Variants in GSAP observed in about 807,000 individuals in gnomAD.
GSAP encodes gamma-secretase activating protein, also known as gamma-secretase-activating protein.
In GSAP, 118 loss-of-function variants were observed where a neutral mutation model predicts 131.7. The observed-to-expected ratio is 0.90, with a 90% CI of 0.77 to 1.04. The LOEUF (loss-of-function observed/expected upper bound fraction) is 1.04, where lower values mean the gene tolerates loss of function less well. Ranked by LOEUF, GSAP falls within the 50% of genes least tolerant of loss-of-function variation. The pLI is 0.00. For missense variants in GSAP, 1,019 were observed against 1,013.2 expected, an observed-to-expected ratio of 1.01 and a Z score of -0.08; for synonymous variants, 381 against 363.4, an observed-to-expected ratio of 1.05 and a Z score of -0.55.
intron 1 of GSAP, 38 bp downstream of exon 1, chr7:77,416,175 C>G: frequency 6.4e-6 from 7 of 1,101,410 alleles, no homozygotes; most frequent in Non-Finnish European, 8.6e-6. Flanking sequence ...GACTCCCACT[C>G]CCCGCCCCCA....
intron 9 of GSAP, 29 bp downstream of exon 9, chr7:77,377,257 A>AT (rs1354631534): frequency 7.0e-7 from 1 of 1,429,014 alleles, no homozygotes; most frequent in Non-Finnish European, 9.2e-7. Flanking sequence ...AAAAAAAAAA[A>AT]AGGAGTGCCC....
intron 19 of GSAP, among the ~76,000 whole-genome samples, chr7:77,337,105 TTG>T (rs1233643788): frequency 6.6e-6 from 1 of 152,210 alleles, no homozygotes; most frequent in Non-Finnish European, 1.5e-5. Flanking sequence ...GTCAAGTCTT[TTG>T]TGTTTCACTA....
At chr7:77,374,208 T>TC (rs1333691212) in intron 11 of GSAP, 53 bp from the exon 12 acceptor site, 2 of 883,438 alleles carry the variant, frequency 2.3e-6, no homozygotes, top group African/African-American at 3.4e-5. Context: ...ATACATCCCT[T>TC]CATAAAGGAT....
intron 14 of GSAP, 141 bp from the exon 15 acceptor site, chr7:77,355,788 T>TTTTTTTTTG (rs1793613873): frequency 2.5e-5 from 1 of 39,442 alleles, no homozygotes; most frequent in Admixed American, 7.3e-4. Flanking sequence ...TGACAGCCCG[T>TTTTTTTTTG]TTTTTTTTTT....
rs1031728899 is a variant in GSAP at position 77,310,971 on chromosome 7, T to C, written c.*387A>G. 2 of 162,184 alleles carry C rather than the reference T, an allele frequency of 1.2e-5. No individual in the cohort carries two copies. The highest frequency in any genetic ancestry group is 2.7e-5 in the Non-Finnish European group (2 of 73,924). The allele number at this position is 162,184 out of a possible 1,614,324, so 10.0% of individuals were successfully genotyped here. ...TAGTGTTCTTATGTAACATTTAATTTTTATGCCTATTATTTCAATGACACA... is the reference window on the plus strand; with the variant it reads ...TAGTGTTCTTATGTAACATTTAATTCTTATGCCTATTATTTCAATGACACA... On this transcript the variant is annotated 3_prime_UTR_variant, in exon 31 of 31. Transcript: ENST00000257626.
At chr7:77,350,994 A>G (rs1792785090) in intron 18 of GSAP, 1 of 382,352 alleles carries the variant, frequency 2.6e-6, no homozygotes, top group Non-Finnish European at 3.6e-6. Flanking sequence ...AAAGTAGATA[A>G]GTATATAAGA....
chr7:77,320,788 C>T lies in GSAP; in HGVS notation c.2026G>A (p.Val676Ile). The T allele has an allele frequency of 1.2e-6, 2 of 1,612,274 alleles. No individual in the cohort carries two copies. Among genetic ancestry groups the T allele is most frequent in the Non-Finnish European group, 8.5e-7 (1 of 1,178,416 alleles). ...NSRGSAAEFA[V>I]FHIMTRILEA... ...AGAATCCTGGTCATGATGTGAAAAA[C>T]TGCAAATTCAGCAGCACTGCCACGA... Residue 676 changes from valine to isoleucine, a missense_variant, in exon 26 of 31, where the codon GTT becomes ATT. By Grantham distance (29) the Val-to-Ile change is conservative. Coordinates refer to ENST00000257626, the MANE Select transcript of GSAP (RefSeq NM_017439.4).
intron 26 of GSAP, among the ~76,000 whole-genome samples, chr7:77,317,347 G>T (rs939921071): frequency 6.3e-5 from 8 of 127,128 alleles, no homozygotes; most frequent in African/African-American, 2.2e-4. Context: ...ACAAGGGTTG[G>T]GGGGGAACAT....
rs1294451815 is a variant in GSAP at position 77,311,407 on chromosome 7, A to G, written c.2516T>C (p.Phe839Ser). The change falls in exon 31 of 31, where the codon TTT becomes TCT. Residue 839 changes from phenylalanine to serine, a missense_variant. Coordinates refer to ENST00000257626, the MANE Select transcript of GSAP (RefSeq NM_017439.4). ...FEGHDNVDAE[F>S]VEEAALKHTA... ...GTGTTTCAGAGCTGCTTCCTCTACAAATTCTGCATCCACATTGTCATGTCC... is the reference window on the plus strand; with the variant it reads ...GTGTTTCAGAGCTGCTTCCTCTACAGATTCTGCATCCACATTGTCATGTCC... 1.9e-6 allele frequency: 3 copies of G among 1,612,920 alleles called. No homozygotes were observed. Among genetic ancestry groups the G allele is most frequent in the Non-Finnish European group, 1.7e-6 (2 of 1,179,110 alleles).
At position 77,416,233 on chromosome 7, in the gene GSAP, C is replaced by T. The variant is rs1804446138; in HGVS notation, c.89G>A (p.Gly30Glu). Residue 30 changes from glycine (G) to glutamate (E), a missense_variant, in exon 1 of 31, where the codon GGG (glycine) becomes GAG (glutamate). By Grantham distance (98) the Gly-to-Glu change is moderately conservative. Transcript: ENST00000257626. The part of the protein sequence containing the change: ...RAQRAVSEAS[G>E]AGSGGADVLE... ...CGCACCTGCGCCGCCGCTTCCGGCC[C>T]CGCTGGCCTCCGACACTGCCCGCTG... is the stretch of plus-strand genomic sequence containing the variant. The T allele has an allele frequency of 6.8e-7, 1 of 1,478,478 alleles. No homozygotes were observed. Among genetic ancestry groups the T allele is most frequent in the Non-Finnish European group, 9.0e-7 (1 of 1,116,532 alleles). 91.6% of individuals were successfully genotyped at this position (1,478,478 alleles called of 1,614,324 possible).
intron 19 of GSAP, among the ~76,000 whole-genome samples, chr7:77,346,287 A>AAAAG (rs1157698199): frequency 2.0e-4 from 30 of 150,420 alleles, no homozygotes; most frequent in East Asian, 5.9e-4. Context: ...AAAAAAAAAA[A>AAAAG]AAAGAAAGAA....
intron 12 of GSAP, among the ~76,000 whole-genome samples, chr7:77,362,911 A>T (rs1425884439): frequency 6.6e-6 from 1 of 152,140 alleles, no homozygotes; most frequent in African/African-American, 2.4e-5. Context: ...ACACAGATAT[A>T]CTCCTGCATA....
intron 19 of GSAP, among the ~76,000 whole-genome samples, chr7:77,334,404 C>A (rs1434941159): frequency 6.6e-6 from 1 of 151,614 alleles, no homozygotes; most frequent in East Asian, 1.9e-4. Flanking sequence ...AGGGGAACAA[C>A]ACACACTGGG....
intron 28 of GSAP, among the ~76,000 whole-genome samples, chr7:77,312,513 C>A (rs6973950): frequency 0.54 from 82,559 of 152,004 alleles, 24,083 homozygotes; most frequent in African/African-American, 0.76. Flanking sequence ...ATGTTTTGAC[C>A]GGAAACTAAG....
intron 12 of GSAP, among the ~76,000 whole-genome samples, chr7:77,364,015 T>C (rs1169449284): frequency 6.6e-6 from 1 of 152,208 alleles, no homozygotes; most frequent in East Asian, 1.9e-4. Flanking sequence ...TTCTTTTATA[T>C]ACTATAATCA....
At chr7:77,398,396 C>T (rs533949562) in intron 3 of GSAP, among the ~76,000 whole-genome samples, 2 of 151,354 alleles carry the variant, frequency 1.3e-5, no homozygotes, top group Non-Finnish European at 1.5e-5. Flanking sequence ...TTGACTCTTG[C>T]TCTAACTGAG....
intron 1 of GSAP, among the ~76,000 whole-genome samples, chr7:77,407,303 G>A (rs549262708): frequency 6.6e-6 from 1 of 152,124 alleles, no homozygotes; most frequent in East Asian, 1.9e-4. Context: ...AGCTTGGTTA[G>A]TGCTTGCATA....
Position 77,397,329 on chromosome 7 carries a change from A to G in GSAP, c.313+17T>C, listed in dbSNP as rs200452671. Reference sequence around the variant, plus strand: ...GTAGTTCAGTTCTTGACATGTAGCAATAAGAGCTCAACTTACCAAGCAAAG... The same window carrying G: ...GTAGTTCAGTTCTTGACATGTAGCAGTAAGAGCTCAACTTACCAAGCAAAG... On this transcript the variant is annotated intron_variant, in intron 4 of 30. Coordinates refer to ENST00000257626, the MANE Select transcript of GSAP (RefSeq NM_017439.4). 2.0e-4 allele frequency: 301 copies of G among 1,517,636 alleles called. 2 individuals are homozygous for G. Among genetic ancestry groups the G allele is most frequent in the East Asian group, 1.5e-3 (67 of 44,346 alleles). 94.0% of individuals were successfully genotyped at this position (1,517,636 alleles called of 1,614,324 possible).
At chr7:77,320,339 C>A (rs538270708) in intron 26 of GSAP, among the ~76,000 whole-genome samples, 1 of 152,258 alleles carries the variant, frequency 6.6e-6, no homozygotes, top group South Asian at 2.1e-4. Flanking sequence ...AGCCTCCAAG[C>A]GTATAAGAAT....
Sources: gnomAD v4.1 joint callset for allele counts (sites outside exome capture counted in the v4.1 genomes callset) on GRCh38, gnomAD v4.1.1 for gene constraint, MANE v1.5 for transcripts, NCBI Gene and HGNC (gene_info 2026-07-23, HGNC 2026-07-21) for gene names.